Variants in FBXL13 observed in about 807,000 individuals in gnomAD.
FBXL13 encodes F-box and leucine-rich repeat protein 13.
Under a neutral mutation model 83.6 loss-of-function variants are expected in FBXL13, and 67 were observed. The ratio of observed to expected loss-of-function variants is 0.80; its 90% CI spans 0.66 to 0.98. FBXL13 has a LOEUF of 0.98. Among genes scored for constraint, FBXL13 ranks in the 50% least tolerant of loss-of-function variants. The pLI is 0.00. For missense variants in FBXL13, 822 were observed against 866.5 expected (o/e 0.95, Z 0.64); for synonymous variants, 272 against 299.5 (o/e 0.91, Z 0.95).
rs776220490 is a variant in FBXL13 at position 102,835,603 on chromosome 7, GTTTTTTTTTTT to G, written c.1720-2640_1720-2630del. ...ATGTTGCAAGAAGTAAGGTGACATT[GTTTTTTTTTTT>G]TTTTTTTTTTTTTGAGACGGAGTCT... On this transcript the variant is annotated intron_variant, in intron 17 of 19. Coordinates refer to ENST00000313221, the Ensembl canonical transcript of FBXL13. Among the ~76,000 whole-genome samples, 17 of 97,498 alleles carry G rather than the reference GTTTTTTTTTTT, an allele frequency of 1.7e-4. 1 individual carries two copies. The highest frequency in any genetic ancestry group is 1.1e-3 in the Admixed American group (8 of 7,532). 64.0% of individuals were successfully genotyped at this position (97,498 alleles called of 152,430 possible). A position where few individuals can be genotyped will look rare whatever the true frequency, so the allele number is the denominator to read the frequency against.
chr7:102,897,551 T>C (rs975974508), intron 11 of FBXL13, among the ~76,000 whole-genome samples: 2 of 152,180 alleles, frequency 1.3e-5, no homozygotes, highest in Non-Finnish European at 2.9e-5. Context: ...AGACTGATTA[T>C]GGAAGTTTGC....
chr7:103,006,189 C>T (rs1364830359), intron 6 of FBXL13, among the ~76,000 whole-genome samples: 4 of 152,128 alleles, frequency 2.6e-5, no homozygotes, highest in Non-Finnish European at 5.9e-5. Flanking sequence ...GAAGACAGAT[C>T]TTGGAGTTCA....
rs577149694 is a variant in FBXL13, at chr7:102,955,418, A to C, written c.724+8115T>G. Among the ~76,000 whole-genome samples the C allele has an allele frequency of 3.3e-5, 5 of 152,224 alleles. No homozygotes were observed. In the East Asian group the frequency reaches 9.6e-4, roughly 29 times the overall value. On this transcript the variant is annotated intron_variant, in intron 8 of 19. Transcript: ENST00000313221. ...GTGTAGAAGGAAACTTATAGCACTAAATGCCCCAAGAGTAAGCAGGAAAGA... is the reference window on the plus strand; with the variant it reads ...GTGTAGAAGGAAACTTATAGCACTACATGCCCCAAGAGTAAGCAGGAAAGA...
intron 1 of FBXL13, among the ~76,000 whole-genome samples, chr7:103,063,143 C>T (rs371887674): frequency 3.3e-5 from 5 of 152,312 alleles, no homozygotes; most frequent in Non-Finnish European, 7.3e-5. Context: ...AATAGTATAA[C>T]GGAGTCCACT....
At chr7:103,040,743 A>C (rs1179441401) in intron 2 of FBXL13, among the ~76,000 whole-genome samples, 1 of 152,176 alleles carries the variant, frequency 6.6e-6, no homozygotes, top group Non-Finnish European at 1.5e-5. Context: ...ATAAATAATA[A>C]AATTAAGGCA....
chr7:103,061,269 A>G (rs1797878966), intron 1 of FBXL13, among the ~76,000 whole-genome samples: 1 of 151,876 alleles, frequency 6.6e-6, no homozygotes, highest in South Asian at 2.1e-4. Context: ...AGCAGGCTCT[A>G]TGAGGTAAGA....
At chr7:102,837,174 CACTGGGCATCAGAGCAAGTGGG>C (rs1370029004) in intron 17 of FBXL13, among the ~76,000 whole-genome samples, 1 of 152,210 alleles carries the variant, frequency 6.6e-6, no homozygotes. Context: ...GCCTTGTTCC[CACTGGGCATCAGAGCAAGTGGG>C]ACTGGTCATG....
chr7:103,018,656 A>G (rs1792699529), intron 6 of FBXL13, among the ~76,000 whole-genome samples: 1 of 152,204 alleles, frequency 6.6e-6, no homozygotes, highest in Admixed American at 6.5e-5. Flanking sequence ...AAAACAAAAA[A>G]ACAAGCAAGG....
chr7:102,914,289 C>A (rs1563082629), intron 10 of FBXL13, among the ~76,000 whole-genome samples: 1 of 152,056 alleles, frequency 6.6e-6, no homozygotes, highest in African/African-American at 2.4e-5. Flanking sequence ...GCCAGGCTGG[C>A]CTCGAACTCC....
chr7:102,825,950 G>A (rs1240551789), intron 18 of FBXL13, among the ~76,000 whole-genome samples: 1 of 152,162 alleles, frequency 6.6e-6, no homozygotes, highest in Non-Finnish European at 1.5e-5. Flanking sequence ...AGAACTAAAG[G>A]AGAACATGTA....
chr7:103,002,628 C>T (rs934279488), intron 6 of FBXL13, among the ~76,000 whole-genome samples: 1 of 152,058 alleles, frequency 6.6e-6, no homozygotes, highest in African/African-American at 2.4e-5. Flanking sequence ...TTTTGTTTGC[C>T]TGGGAAAGAC....
upstream of FBXL13, chr7:103,074,785 C>T (rs1054477168): frequency 1.6e-6 from 2 of 1,288,574 alleles, no homozygotes; most frequent in Non-Finnish European, 2.0e-6. Flanking sequence ...CAAGGCCTGA[C>T]GGAGAAGCTG....
At chr7:102,986,021 C>T (rs991252397) in intron 6 of FBXL13, among the ~76,000 whole-genome samples, 1 of 151,750 alleles carries the variant, frequency 6.6e-6, no homozygotes, top group Non-Finnish European at 1.5e-5. Flanking sequence ...CACGATGCCC[C>T]CCCCCCATCA....
At chr7:102,936,494 T>C (rs1820338851) in intron 8 of FBXL13, among the ~76,000 whole-genome samples, 1 of 152,232 alleles carries the variant, frequency 6.6e-6, no homozygotes, top group African/African-American at 2.4e-5. Context: ...AGTTTTTCTA[T>C]AGCCAGAGTG....
chr7:102,931,674 C>T (rs12673840), intron 9 of FBXL13, among the ~76,000 whole-genome samples: 7,212 of 152,216 alleles, frequency 0.047, 261 homozygotes, highest in South Asian at 0.13. Flanking sequence ...TTCTACTTGC[C>T]AGAGGCTCCA....
chr7:102,942,276 C>T, intron 8 of FBXL13: 2 of 1,589,316 alleles, frequency 1.3e-6, no homozygotes, highest in African/African-American at 1.4e-5. Context: ...AATGAAAGGT[C>T]TCCTATATTT....
rs1421061219 is a variant in FBXL13 at position 103,022,799 on chromosome 7, G to T, written c.495+2264C>A. Among the ~76,000 whole-genome samples the T allele has an allele frequency of 2.0e-5, 3 of 152,208 alleles. 1 individual carries two copies. The highest frequency in any genetic ancestry group is 4.1e-4 in the South Asian group (2 of 4,826). ...CATTATGAAGATGCCAAAAGCAATT[G>T]CAACAAAAACAAAAATTAACAAATG... On this transcript the variant is annotated intron_variant, in intron 6 of 19. Coordinates refer to ENST00000313221, the Ensembl canonical transcript of FBXL13.
At chr7:102,925,119 T>G (rs373176519) in intron 10 of FBXL13, among the ~76,000 whole-genome samples, 37 of 152,290 alleles carry the variant, frequency 2.4e-4, no homozygotes, top group African/African-American at 8.7e-4. Context: ...AAAGAATAAT[T>G]GGGCCAGGCA....
chr7:102,923,208 G>A (rs886384141), intron 10 of FBXL13, among the ~76,000 whole-genome samples: 3 of 152,108 alleles, frequency 2.0e-5, no homozygotes, highest in Non-Finnish European at 4.4e-5. Context: ...TCACAATGTC[G>A]TGGCTACAGA....
Sources: gnomAD v4.1 joint callset for allele counts (sites outside exome capture counted in the v4.1 genomes callset) on GRCh38, gnomAD v4.1.1 for gene constraint, MANE v1.5 for transcripts, NCBI Gene and HGNC (gene_info 2026-07-23, HGNC 2026-07-21) for gene names.